The following GPC6 variants were observed in gnomAD, a reference collection of about 807,000 sequenced individuals.
GPC6 encodes the protein glypican 6.
In GPC6, 14 loss-of-function variants were observed where a neutral mutation model predicts 55.2. The observed-to-expected ratio is 0.25, with a 90% CI of 0.17 to 0.40. GPC6 has a LOEUF of 0.40. Ranked by LOEUF, GPC6 falls within the 10% of genes least tolerant of loss-of-function variation. GPC6 has a pLI of 1.00. For synonymous variants in GPC6, 278 were observed against 259.6 expected, an observed-to-expected ratio of 1.07 and a Z score of -0.68; for missense variants, 641 against 708.5, an observed-to-expected ratio of 0.90 and a Z score of 1.08.
intron 2 of GPC6, among the ~76,000 whole-genome samples, chr13:93,566,614 A>T (rs1045911209): frequency 2.0e-5 from 3 of 151,622 alleles, no homozygotes; most frequent in South Asian, 2.1e-4. Context: ...TGTGCAGAAC[A>T]TGCAGGTTTG....
intron 2 of GPC6, among the ~76,000 whole-genome samples, chr13:93,546,590 T>A (rs1390471515): frequency 6.6e-6 from 1 of 152,212 alleles, no homozygotes; most frequent in Non-Finnish European, 1.5e-5. Flanking sequence ...TATATGTGGA[T>A]GTATATGAAA....
At chr13:94,377,746 C>T (rs1303295681) in intron 6 of GPC6, among the ~76,000 whole-genome samples, 16 of 151,938 alleles carry the variant, frequency 1.1e-4, no homozygotes, top group East Asian at 1.9e-4. Context: ...CACATGCACA[C>T]GTATGTTTAC....
At chr13:93,400,878 T>C (rs890272529) in intron 1 of GPC6, among the ~76,000 whole-genome samples, 3 of 151,800 alleles carry the variant, frequency 2.0e-5, no homozygotes, top group Non-Finnish European at 2.9e-5. Context: ...ATAGGAAAGT[T>C]GAGGAGGGAG....
intron 4 of GPC6, among the ~76,000 whole-genome samples, chr13:94,144,438 CACACA>C: frequency 6.7e-6 from 1 of 150,036 alleles, no homozygotes; most frequent in South Asian, 2.1e-4. Flanking sequence ...CACACACACA[CACACA>C]CCAGAAATGG....
At chr13:93,391,214 G>A (rs1875620799) in intron 1 of GPC6, among the ~76,000 whole-genome samples, 1 of 152,044 alleles carries the variant, frequency 6.6e-6, no homozygotes, top group Non-Finnish European at 1.5e-5. Flanking sequence ...AATATGAAAT[G>A]TTATTTAGAA....
intron 4 of GPC6, among the ~76,000 whole-genome samples, chr13:94,145,724 G>T (rs1887540396): frequency 6.6e-6 from 1 of 152,158 alleles, no homozygotes; most frequent in African/African-American, 2.4e-5. Context: ...AAGATGAGCG[G>T]ACCCTAAGCT....
At chr13:93,377,846 A>T (rs1022214964) in intron 1 of GPC6, among the ~76,000 whole-genome samples, 2 of 152,232 alleles carry the variant, frequency 1.3e-5, no homozygotes, top group Non-Finnish European at 2.9e-5. Flanking sequence ...ACTGAAGTCT[A>T]TTCTTCAAAA....
intron 4 of GPC6, among the ~76,000 whole-genome samples, chr13:94,182,914 T>C (rs1471003845): frequency 1.3e-5 from 2 of 152,136 alleles, no homozygotes; most frequent in African/African-American, 4.8e-5. Context: ...TAGCTGGGAC[T>C]ACAGGTGTGT....
chr13:94,012,992 T>C (rs1460138020), intron 3 of GPC6, among the ~76,000 whole-genome samples: 1 of 152,176 alleles, frequency 6.6e-6, no homozygotes, highest in Non-Finnish European at 1.5e-5. Context: ...TTACATTCTG[T>C]GTGCACATAT....
intron 4 of GPC6, among the ~76,000 whole-genome samples, chr13:94,055,833 C>T (rs1015892191): frequency 2.0e-5 from 3 of 152,208 alleles, no homozygotes; most frequent in African/African-American, 7.2e-5. Flanking sequence ...CATAGCTACA[C>T]AGATACAGAA....
chr13:93,758,101 T>C (rs968949132), intron 2 of GPC6, among the ~76,000 whole-genome samples: 2 of 152,214 alleles, frequency 1.3e-5, no homozygotes, highest in Admixed American at 6.5e-5. Flanking sequence ...GATATGGAAG[T>C]GCAACCACAT....
At chr13:93,823,386 G>T (rs1358210599) in intron 2 of GPC6, among the ~76,000 whole-genome samples, 1 of 151,634 alleles carries the variant, frequency 6.6e-6, no homozygotes, top group Non-Finnish European at 1.5e-5. Flanking sequence ...GGATCTCTGG[G>T]TTGCATTCTG....
At chr13:93,944,486 G>A (rs1878902116) in intron 3 of GPC6, among the ~76,000 whole-genome samples, 1 of 152,118 alleles carries the variant, frequency 6.6e-6, no homozygotes, top group Admixed American at 6.5e-5. Context: ...TTACAGGCAT[G>A]AGCCACCACA....
chr13:94,215,361 G>A (rs962988655), intron 4 of GPC6, among the ~76,000 whole-genome samples: 1 of 151,930 alleles, frequency 6.6e-6, no homozygotes, highest in Non-Finnish European at 1.5e-5. Context: ...TATCTGTCCA[G>A]GTTTCCCAAT....
intron 2 of GPC6, among the ~76,000 whole-genome samples, chr13:93,598,182 G>A (rs1877851676): frequency 6.6e-6 from 1 of 151,998 alleles, no homozygotes; most frequent in Non-Finnish European, 1.5e-5. Context: ...AGTTATATGT[G>A]GATTTTTTAC....
At chr13:93,877,770 T>A (rs1874683530) in intron 3 of GPC6, among the ~76,000 whole-genome samples, 1 of 152,012 alleles carries the variant, frequency 6.6e-6, no homozygotes, top group Non-Finnish European at 1.5e-5. Context: ...AAATTTAGAG[T>A]TTGTGATAGT....
At chr13:94,073,757 T>C (rs1204208902) in intron 4 of GPC6, among the ~76,000 whole-genome samples, 1 of 152,152 alleles carries the variant, frequency 6.6e-6, no homozygotes, top group Non-Finnish European at 1.5e-5. Context: ...CTTTAAATAA[T>C]CTTGAATTTT....
rs140531909 is a variant in GPC6, at chr13:93,999,471, A to C, written c.712-28258A>C. 6.4e-3 allele frequency among the ~76,000 whole-genome samples: 975 copies of C among 152,306 alleles called. 6 individuals are homozygous for C. Among genetic ancestry groups the C allele is most frequent in the Non-Finnish European group, 0.01 (690 of 68,038 alleles). On this transcript the variant is annotated intron_variant, in intron 3 of 8. Coordinates refer to ENST00000377047, the MANE Select transcript of GPC6 (RefSeq NM_005708.5). ...TGGTTCCAAGTCTTCGCTAGTGTGA[A>C]TAGTGCCACAATAAACATACGTGTG...
intron 3 of GPC6, among the ~76,000 whole-genome samples, chr13:93,901,067 G>A (rs1296320323): frequency 1.3e-5 from 2 of 152,064 alleles, no homozygotes; most frequent in African/African-American, 2.4e-5. Flanking sequence ...TCCTGAAATA[G>A]AGGTCTGTGC....
Sources: gnomAD v4.1 joint callset for allele counts (sites outside exome capture counted in the v4.1 genomes callset) on GRCh38, gnomAD v4.1.1 for gene constraint, MANE v1.5 for transcripts, NCBI Gene and HGNC (gene_info 2026-07-23, HGNC 2026-07-21) for gene names.